Variants in THUMPD3 observed in about 807,000 individuals in gnomAD.
THUMPD3 encodes the protein tRNA (guanine(6)-N(2))-methyltransferase THUMP3.
THUMPD3 carries 44 observed loss-of-function variants against 54.5 expected under a neutral mutation model. That is an observed-to-expected ratio of 0.81 (90% CI 0.63 to 1.04). The LOEUF is 1.04. Among genes scored for constraint, THUMPD3 ranks in the 50% least tolerant of loss-of-function variants. The pLI, the probability that THUMPD3 is intolerant of heterozygous loss-of-function variation, is 0.00. For synonymous variants in THUMPD3, 196 were observed against 201.4 expected, an observed-to-expected ratio of 0.97 and a Z score of 0.23; for missense variants, 604 against 601.3, an observed-to-expected ratio of 1.00 and a Z score of -0.05.
chr3:9,365,023 C>T lies in THUMPD3; in HGVS notation c.-46C>T. The T allele has an allele frequency of 6.3e-7, 1 of 1,584,832 alleles. No homozygotes were observed. On this transcript the variant is annotated 5_prime_UTR_variant, in exon 2 of 10. Coordinates refer to ENST00000452837, the MANE Select transcript of THUMPD3 (RefSeq NM_001114092.2). ...TTTCTTTTTCTTTTAAAGGACAGTA[C>T]TGCTTTTAAAGAGACAGTGTTAGGG...
At chr3:9,368,352 C>G (rs558788207) in intron 3 of THUMPD3, among the ~76,000 whole-genome samples, 23 of 138,430 alleles carry the variant, frequency 1.7e-4, no homozygotes, top group African/African-American at 6.2e-4. Flanking sequence ...CCACCTCCAC[C>G]CGCGCATATT....
chr3:9,382,348 G>C (rs1259641066), intron 7 of THUMPD3, among the ~76,000 whole-genome samples: 1 of 151,082 alleles, frequency 6.6e-6, no homozygotes, highest in African/African-American at 2.5e-5. Flanking sequence ...GCCTTAATGA[G>C]GAGGATTTAA....
intron 6 of THUMPD3, 145 bp from the exon 7 acceptor site, chr3:9,380,358 C>A (rs141118089): frequency 1.5e-5 from 9 of 589,988 alleles, no homozygotes; most frequent in African/African-American, 1.3e-4. Flanking sequence ...AATAAGAGGG[C>A]ATTTTCAGCC....
At chr3:9,374,410 C>A in intron 4 of THUMPD3, 106 bp from the exon 5 acceptor site, 1 of 1,387,004 alleles carries the variant, frequency 7.2e-7, no homozygotes, top group Non-Finnish European at 9.8e-7. Context: ...AGGGGACCAA[C>A]AGGTTGCCTA....
intron 7 of THUMPD3, 118 bp downstream of exon 7, chr3:9,380,736 CTA>C: frequency 3.8e-6 from 2 of 530,124 alleles, no homozygotes; most frequent in East Asian, 3.1e-5. Flanking sequence ...AATGAATATA[CTA>C]TGAGACTCCA....
At chr3:9,364,916 T>C in intron 1 of THUMPD3, 100 bp from the exon 2 acceptor site, 1 of 918,410 alleles carries the variant, frequency 1.1e-6, no homozygotes, top group South Asian at 1.9e-5. Flanking sequence ...GTTTATCAGA[T>C]GTGTTGCCTT....
At chr3:9,381,243 A>C (rs959245715) in intron 7 of THUMPD3, among the ~76,000 whole-genome samples, 1 of 152,230 alleles carries the variant, frequency 6.6e-6, no homozygotes, top group Non-Finnish European at 1.5e-5. Context: ...ATAGTCTTTA[A>C]AGTCACTACA....
chr3:9,370,999 G>A, intron 3 of THUMPD3, 61 bp from the exon 4 acceptor site: 1 of 1,366,978 alleles, frequency 7.3e-7, no homozygotes, highest in East Asian at 2.3e-5. Context: ...GCAAAGTAGA[G>A]GTTTATTTGT....
intron 1 of THUMPD3, chr3:9,363,723 AG>A (rs1242886337): frequency 2.0e-5 from 3 of 151,834 alleles, no homozygotes; most frequent in Admixed American, 2.0e-4. Context: ...TGGATCCCAG[AG>A]TCTGGCAAGT....
Position 9,371,401 on chromosome 3 carries a change from G to T in THUMPD3, c.672G>T (p.Val224=), listed in dbSNP as rs753416206. The change falls in exon 4 of 10, where the codon GTG becomes GTT. Residue 224 remains valine (V), a synonymous_variant. Transcript: ENST00000452837. ...ESSKEETEPQ[V]LKFRVTCNRA... ...CAAAAGAAGAAACTGAGCCTCAAGT[G>T]CTGAAGTTTAGAGTCACATGCAACA... The T allele has an allele frequency of 6.2e-7, 1 of 1,614,186 alleles. No homozygotes were observed. The highest frequency in any genetic ancestry group is 1.3e-5 in the African/African-American group (1 of 75,060).
chr3:9,383,715 C>G (rs2033103600), intron 8 of THUMPD3, among the ~76,000 whole-genome samples: 1 of 152,012 alleles, frequency 6.6e-6, no homozygotes, highest in Non-Finnish European at 1.5e-5. Flanking sequence ...CCTCTGCCTC[C>G]CGGGTTCAAG....
chr3:9,377,023 C>A (rs2596918), intron 5 of THUMPD3, among the ~76,000 whole-genome samples: 14 of 151,964 alleles, frequency 9.2e-5, no homozygotes, highest in East Asian at 3.9e-4. Context: ...ATTACCTAGT[C>A]CCACAGAGCA....
At chr3:9,367,175 T>C (rs574454020) in intron 3 of THUMPD3, among the ~76,000 whole-genome samples, 190 bp downstream of exon 3, 1 of 152,374 alleles carries the variant, frequency 6.6e-6, no homozygotes, top group African/African-American at 2.4e-5. Flanking sequence ...AAAATTAGTA[T>C]TGAAAACCAT....
intron 7 of THUMPD3, among the ~76,000 whole-genome samples, chr3:9,382,674 T>C (rs1225788195): frequency 2.0e-5 from 3 of 152,216 alleles, no homozygotes; most frequent in Non-Finnish European, 4.4e-5. Context: ...TGCTTCAGCA[T>C]TGTTTTTAAA....
chr3:9,384,955 C>T lies in THUMPD3; in HGVS notation c.*267C>T. ...GAGGTCCGGAGACCAGCCTGGCCAA[C>T]ATGGTGAAACCCTGTCTCTACTAGA... On this transcript the variant is annotated 3_prime_UTR_variant, in exon 10 of 10. Coordinates refer to ENST00000452837, the MANE Select transcript of THUMPD3 (RefSeq NM_001114092.2). The T allele has an allele frequency of 1.1e-5, 4 of 350,942 alleles. No homozygotes were observed. Among genetic ancestry groups the T allele is most frequent in the Non-Finnish European group, 2.1e-5 (4 of 187,124 alleles). The allele number at this position is 350,942 out of a possible 1,614,324, so 21.7% of individuals were successfully genotyped here. A position where few individuals can be genotyped will look rare whatever the true frequency, so the allele number is the denominator to read the frequency against.
rs750491478 is a variant in THUMPD3 at position 9,384,623 on chromosome 3, C to T, written c.1459C>T (p.Gln487Ter). 8 of 1,614,052 alleles carry T rather than the reference C, an allele frequency of 5.0e-6. No homozygotes were observed. The African/African-American group carries it at 9.3e-5, about 19-fold the overall frequency. ...AGTTTACGTTCTGATACGTACACCTCAAGCTTTTGTTCATCCTTCAGAACA... is the reference window on the plus strand; with the variant it reads ...AGTTTACGTTCTGATACGTACACCTTAAGCTTTTGTTCATCCTTCAGAACA... Reference protein sequence around the residue: ...AAVYVLIRTPQAFVHPSEQDG... With the variant: ...AAVYVLIRTP Residue 487 changes from glutamine to a stop codon, truncating the protein, a stop_gained, in exon 10 of 10, where the codon CAA (glutamine) becomes TAA (stop). Transcript: ENST00000452837. LOFTEE classifies it high-confidence loss of function.
In THUMPD3 at chr3:9,364,825, T is replaced by G. The variant is rs2031377652; in HGVS notation, c.-53-191T>G. On this transcript the variant is annotated intron_variant, in intron 1 of 9. Transcript: ENST00000452837. The stretch of plus-strand genomic sequence containing the variant: ...CTCTTTTTCTCCCATGGTATCTGTA[T>G]TGCTTCTTTAATAATAACATCATGT... 1.3e-5 allele frequency among the ~76,000 whole-genome samples: 2 copies of G among 152,266 alleles called. 1 individual carries two copies. Among genetic ancestry groups the G allele is most frequent in the South Asian group, 4.1e-4 (2 of 4,834 alleles).
rs575746597 is a variant in THUMPD3 at position 9,370,892 on chromosome 3, A to G, written c.331-168A>G. Among the ~76,000 whole-genome samples, 5 of 152,250 alleles carry G rather than the reference A, an allele frequency of 3.3e-5. No individual in the cohort carries two copies. The South Asian group carries it at 1.0e-3, about 32-fold the overall frequency. ...TGTGTGTAGGTCATATGTAGACACT[A>G]TACCATTTTATATGAGGGACTTTTG... On this transcript the variant is annotated intron_variant, in intron 3 of 9. Coordinates refer to ENST00000452837, the MANE Select transcript of THUMPD3 (RefSeq NM_001114092.2).
chr3:9,363,512 C>T (rs565832120), intron 1 of THUMPD3: 19 of 152,184 alleles, frequency 1.2e-4, no homozygotes, highest in Middle Eastern at 3.4e-3. Context: ...TGGCACAGCA[C>T]AAGGACATTA....
Sources: allele counts gnomAD v4.1 joint callset (sites outside exome capture counted in the v4.1 genomes callset), GRCh38; gene constraint gnomAD v4.1.1; transcripts MANE v1.5; gene names NCBI Gene and HGNC (gene_info 2026-07-23, HGNC 2026-07-21).